PABPC1: variants seen among roughly 807,000 people sequenced by gnomAD.
The protein encoded by PABPC1 is poly(A) binding protein cytoplasmic 1.
A neutral mutation model predicts 74.0 loss-of-function variants in PABPC1; 4 were observed. The ratio of observed to expected loss-of-function variants is 0.05; its 90% CI spans 0.03 to 0.12. The LOEUF (loss-of-function observed/expected upper bound fraction) is 0.12, where lower values mean the gene tolerates loss of function less well. Among genes scored for constraint, PABPC1 ranks in the 10% least tolerant of loss-of-function variants. The probability of loss-of-function intolerance (pLI) is 1.00; values close to 1 mark genes in which losing one functional copy is unlikely to be tolerated. For synonymous variants in PABPC1, 227 were observed against 264.1 expected (o/e 0.86, Z 1.36); for missense variants, 271 against 821.1 (o/e 0.33, Z 8.19).
chr8:100,721,542 G>A lies in PABPC1; in HGVS notation c.42C>T (p.Tyr14=), dbSNP rs781648318. The A allele has an allele frequency of 5.0e-6, 8 of 1,608,810 alleles. No individual in the cohort carries two copies. Among genetic ancestry groups the A allele is most frequent in the East Asian group, 2.2e-5 (1 of 44,538 alleles). Residue 14 remains tyrosine (Y), a synonymous_variant, in exon 1 of 15, where the codon TAC becomes TAT. Coordinates refer to ENST00000318607, the MANE Select transcript of PABPC1 (RefSeq NM_002568.4). This position sits in a 1 kb window ranked among gnomAD's most constrained non-coding sequence, Gnocchi z 7.4. ...SAPSYPMASL[Y]VGDLHPDVTE... is the part of the protein sequence containing the mutation. The stretch of plus-strand genomic sequence containing the variant: ...TCACGTCGGGGTGGAGGTCCCCCAC[G>A]TAGAGCGAGGCCATGGGGTAGCTGG...
At position 100,703,126 on chromosome 8, in the gene PABPC1, T is replaced by TAA. The variant is rs1810286255; in HGVS notation, c.*234_*235insTT. On this transcript the variant is annotated 3_prime_UTR_variant, in exon 15 of 15. Transcript: ENST00000318607. ...GGTCTATAAAACATTAATTTGTTTTTATATTTTACTATTTTTTTGTGTTTT... is the reference window on the plus strand; with the variant it reads ...GGTCTATAAAACATTAATTTGTTTTTAAATATTTTACTATTTTTTTGTGTTTT... 3 of 159,314 alleles carry TAA rather than the reference T, an allele frequency of 1.9e-5. No individual in the cohort carries two copies. Among genetic ancestry groups the TAA allele is most frequent in the East Asian group, 3.9e-4 (2 of 5,160 alleles). The allele number at this position is 159,314 out of a possible 1,614,324, so 9.9% of individuals were successfully genotyped here. A position where few individuals can be genotyped will look rare whatever the true frequency, so the allele number is the denominator to read the frequency against.
chr8:100,705,046 C>A lies in PABPC1; in HGVS notation c.1698G>T (p.Leu566=), dbSNP rs775197453. Residue 566 remains leucine, a synonymous_variant, in exon 13 of 15, where the codon CTG becomes CTT. Transcript: ENST00000318607. ...GGTGCATGGCTTGAATAAGAGGAAA[C>A]AGCCGTTCACCTAGGAACAGAAACA... ...QEQKQMLGER[L]FPLIQAMHPT... 13 of 1,613,052 alleles carry A rather than the reference C, an allele frequency of 8.1e-6. No homozygotes were observed. The highest frequency in any genetic ancestry group is 3.3e-5 in the Admixed American group (2 of 59,792).
chr8:100,713,796 T>C (rs1810591577), intron 4 of PABPC1, among the ~76,000 whole-genome samples: 1 of 152,154 alleles, frequency 6.6e-6, no homozygotes, highest in Non-Finnish European at 1.5e-5. Flanking sequence ...CCAATTTGAT[T>C]TTCTTTGTAT....
chr8:100,706,687 T>G lies in PABPC1; in HGVS notation c.1566A>C (p.Gln522His). Residue 522 changes from glutamine to histidine, a missense_variant, in exon 11 of 15, where the codon CAA (glutamine) becomes CAC (histidine). Physicochemically the swap from Gln to His is conservative, Grantham distance 24 (BLOSUM62 0). Around this residue, in one of 7 missense-constraint regions of PABPC1, gnomAD observed 103 missense variants for 245.3 expected, o/e 0.42. Coordinates refer to ENST00000318607, the MANE Select transcript of PABPC1 (RefSeq NM_002568.4). Reference protein sequence around the residue: ...KYAAGVRNPQQHLNAQPQVTM... With the variant: ...KYAAGVRNPQHHLNAQPQVTM... Reference sequence around the variant, plus strand: ...TAACTTGTGGCTGTGCATTAAGATGTTGCTGAGGATTGCGAACTCCTGCAG... The same window carrying G: ...TAACTTGTGGCTGTGCATTAAGATGGTGCTGAGGATTGCGAACTCCTGCAG... 6.2e-7 allele frequency: 1 copy of G among 1,614,130 alleles called. No individual in the cohort carries two copies. Among genetic ancestry groups the G allele is most frequent in the Non-Finnish European group, 8.5e-7 (1 of 1,179,960 alleles).
chr8:100,710,283 A>G (rs527708525), intron 7 of PABPC1, among the ~76,000 whole-genome samples: 1 of 152,344 alleles, frequency 6.6e-6, no homozygotes, highest in East Asian at 1.9e-4. Context: ...ATTGATTGCA[A>G]AGACCTTTTA....
chr8:100,721,667 C>A lies in PABPC1; in HGVS notation c.-84G>T. On this transcript the variant is annotated 5_prime_UTR_variant, in exon 1 of 15. Transcript: ENST00000318607. This position sits in a 1 kb window ranked among gnomAD's most constrained non-coding sequence, Gnocchi z 7.4. ...GAGTGCCGGGGCTGGGGGCCGGAGC[C>A]GGGGGGAGGGGAGCGGGGAGCAAGC... 2 of 271,592 alleles carry A rather than the reference C, an allele frequency of 7.4e-6. No individual in the cohort carries two copies. Among genetic ancestry groups the A allele is most frequent in the South Asian group, 6.0e-5 (1 of 16,604 alleles). The allele number at this position is 271,592 out of a possible 1,614,324, so 16.8% of individuals were successfully genotyped here.
chr8:100,705,125 T>G (rs1188251178), intron 12 of PABPC1, 69 bp from the exon 13 acceptor site: 4 of 1,309,598 alleles, frequency 3.1e-6, no homozygotes, highest in African/African-American at 1.5e-5. Flanking sequence ...AATTACCACA[T>G]TAAACTGGGG....
intron 9 of PABPC1, among the ~76,000 whole-genome samples, chr8:100,708,745 G>A (rs1188681512): frequency 1.3e-5 from 2 of 152,018 alleles, no homozygotes; most frequent in Non-Finnish European, 2.9e-5. Context: ...GCGTGGTGGC[G>A]GGCACCTGTA....
At chr8:100,716,115 G>T (rs939359696) in intron 3 of PABPC1, among the ~76,000 whole-genome samples, 1 of 152,154 alleles carries the variant, frequency 6.6e-6, no homozygotes, top group African/African-American at 2.4e-5. Context: ...TTCAGAACAA[G>T]GATCACTGGG....
chr8:100,713,467 G>T (rs917851357), intron 4 of PABPC1, among the ~76,000 whole-genome samples: 1 of 152,156 alleles, frequency 6.6e-6, no homozygotes, highest in Non-Finnish European at 1.5e-5. Context: ...CAAAAGAGTT[G>T]CATTTTTTAC....
intron 11 of PABPC1, 38 bp downstream of exon 11, chr8:100,706,613 G>T (rs780004305): frequency 6.3e-7 from 1 of 1,585,046 alleles, no homozygotes; most frequent in Non-Finnish European, 8.6e-7. Context: ...TTTCACCCAA[G>T]AAATGTGATT....
Position 100,709,231 on chromosome 8 carries a change from G to A in PABPC1, c.1246-8C>T, listed in dbSNP as rs147271165. On this transcript the variant is annotated splice_polypyrimidine_tract_variant and splice_region_variant and intron_variant, in intron 8 of 14. Transcript: ENST00000318607. ...TGCAGCACGGTTCTGAGTCTGCAGG[G>A]AAAAAAAGCACATGAGTTTATCAGT... 6.3e-7 allele frequency: 1 copy of A among 1,579,324 alleles called. No homozygotes were observed.
chr8:100,721,003 G>A lies in PABPC1; in HGVS notation c.193+388C>T, dbSNP rs1033683337. Among the ~76,000 whole-genome samples, 1 of 152,094 alleles carries A rather than the reference G, an allele frequency of 6.6e-6. No individual in the cohort carries two copies. The highest frequency in any genetic ancestry group is 2.4e-5 in the African/African-American group (1 of 41,372). The stretch of plus-strand genomic sequence containing the variant: ...GGCTGGGGCGCCGGCAGGAGCTCCG[G>A]GTGGTGGGAGCGCCTCCACCTCTTA... On this transcript the variant is annotated intron_variant, in intron 1 of 14. Coordinates refer to ENST00000318607, the MANE Select transcript of PABPC1 (RefSeq NM_002568.4). The surrounding 1 kb of genome is among the most constrained non-coding windows in gnomAD (Gnocchi z 7.4).
Position 100,706,950 on chromosome 8 carries a change from G to A in PABPC1, c.1384C>T (p.Pro462Ser). ...GAIRPAAPRP[P>S]FSTMRPASSQ... ...GAAGCTGGTCTCATAGTACTAAATG[G>A]TGGTCTAGGAGCAGCTGGGCGGATA... The change falls in exon 10 of 15, where the codon CCA becomes TCA. Residue 462 changes from proline (P) to serine (S), a missense_variant. Physicochemically the swap from Pro to Ser is moderately conservative, Grantham distance 74 (BLOSUM62 -1). Coordinates refer to ENST00000318607, the MANE Select transcript of PABPC1 (RefSeq NM_002568.4). 6.2e-7 allele frequency: 1 copy of A among 1,614,168 alleles called. No homozygotes were observed. Among genetic ancestry groups the A allele is most frequent in the Non-Finnish European group, 8.5e-7 (1 of 1,180,012 alleles).
At chr8:100,714,115 G>C (rs913549574) in intron 4 of PABPC1, among the ~76,000 whole-genome samples, 1 of 152,174 alleles carries the variant, frequency 6.6e-6, no homozygotes, top group Non-Finnish European at 1.5e-5. Context: ...AGATGTATGG[G>C]CCAAGGCAGA....
rs186039220 is a variant in PABPC1, at chr8:100,718,069, C to T, written c.387+18G>A. 2.0e-4 allele frequency: 310 copies of T among 1,579,372 alleles called. No homozygotes were observed. The African/African-American group carries it at 3.4e-3, about 17-fold the overall frequency. On this transcript the variant is annotated intron_variant, in intron 2 of 14. Coordinates refer to ENST00000318607, the MANE Select transcript of PABPC1 (RefSeq NM_002568.4). ...AGCTCAACAATGTAAACATGTGTATCGGACATTTTTGGCTTACCTTACATG... is the reference window on the plus strand; with the variant it reads ...AGCTCAACAATGTAAACATGTGTATTGGACATTTTTGGCTTACCTTACATG...
At chr8:100,720,108 G>A (rs528475428) in intron 1 of PABPC1, among the ~76,000 whole-genome samples, 65 of 152,246 alleles carry the variant, frequency 4.3e-4, no homozygotes, top group African/African-American at 1.5e-3. Flanking sequence ...TAATAAAAAT[G>A]AATTCTTCAT....
intron 3 of PABPC1, among the ~76,000 whole-genome samples, chr8:100,716,926 G>A (rs1165172590): frequency 6.6e-6 from 1 of 152,170 alleles, no homozygotes; most frequent in East Asian, 1.9e-4. Flanking sequence ...ACTCAAAACA[G>A]CAACATATCA....
chr8:100,716,629 T>C (rs554102761), intron 3 of PABPC1, among the ~76,000 whole-genome samples: 2 of 152,262 alleles, frequency 1.3e-5, no homozygotes, highest in African/African-American at 4.8e-5. Flanking sequence ...GTTTCATAAA[T>C]GTTCTCAAAG....
Sources: gnomAD v4.1 joint callset for allele counts (sites outside exome capture counted in the v4.1 genomes callset) on GRCh38, gnomAD v4.1.1 for gene constraint, gnomAD v4.1.1 regional missense constraint, Gnocchi (gnomAD v3.1) non-coding constraint, MANE v1.5 for transcripts, NCBI Gene and HGNC (gene_info 2026-07-23, HGNC 2026-07-21) for gene names.